Variants in HEATR9 observed in about 807,000 individuals in gnomAD.
HEATR9 encodes the protein HEAT repeat containing 9.
Under a neutral mutation model 68.2 loss-of-function variants are expected in HEATR9, and 54 were observed. That is an observed-to-expected ratio of 0.79 (90% confidence interval 0.64 to 0.99). HEATR9 has a LOEUF of 0.99. Ranked by LOEUF, HEATR9 falls within the 50% of genes least tolerant of loss-of-function variation. HEATR9 has a pLI of 0.00. For synonymous variants in HEATR9, 241 were observed against 253.5 expected (o/e 0.95, Z 0.47); for missense variants, 662 against 679.7 (o/e 0.97, Z 0.29).
intron 13 of HEATR9, 66 bp from the exon 14 acceptor site, chr17:35,855,816 A>G: frequency 7.6e-7 from 1 of 1,323,446 alleles, no homozygotes; most frequent in Non-Finnish European, 1.1e-6. Flanking sequence ...ACTCTTTCCC[A>G]TTCTAGCCCC....
chr17:35,861,317 C>T (rs1444679320), intron 8 of HEATR9: 2 of 1,416,754 alleles, frequency 1.4e-6, no homozygotes, highest in African/African-American at 1.4e-5. Context: ...TTCCATAGCT[C>T]TTGCTAGTAT....
At chr17:35,855,463 G>A (rs972356850) in intron 14 of HEATR9, 53 bp from the exon 15 acceptor site, 1 of 1,538,728 alleles carries the variant, frequency 6.5e-7, no homozygotes, top group African/African-American at 1.4e-5. Context: ...CAGGCTGGGA[G>A]GCTCCAGAGA....
Position 35,855,313 on chromosome 17 carries a change from T to C in HEATR9, c.1463A>G (p.Asn488Ser). ...VLSVYEAPKT[N>S]VKAEPTRFQK... ...GAACCTTGTGGGCTCTGCCTTCACA[T>C]TGGTCTTAGGTGCCTCATATACAGA... The change falls in exon 15 of 15, where the codon AAT (asparagine) becomes AGT (serine). Residue 488 changes from asparagine (N) to serine (S), a missense_variant. Transcript: ENST00000604834. The C allele has an allele frequency of 1.2e-6, 2 of 1,614,158 alleles. No individual in the cohort carries two copies. The highest frequency in any genetic ancestry group is 1.7e-5 in the Admixed American group (1 of 60,028).
intron 2 of HEATR9, among the ~76,000 whole-genome samples, chr17:35,866,380 G>A (rs545940558): frequency 4.3e-4 from 65 of 152,124 alleles, no homozygotes; most frequent in Non-Finnish European, 6.9e-4. Flanking sequence ...AAATTTAATT[G>A]GGCATTCTGT....
At chr17:35,860,954 G>A in intron 8 of HEATR9, 1 of 477,304 alleles carries the variant, frequency 2.1e-6, no homozygotes, top group South Asian at 2.0e-5. Flanking sequence ...GCTGAGGCAG[G>A]AGAATTGCTT....
intron 2 of HEATR9, 29 bp from the exon 3 acceptor site, chr17:35,865,425 G>C: frequency 6.2e-7 from 1 of 1,602,272 alleles, no homozygotes; most frequent in Non-Finnish European, 8.5e-7. Context: ...AGAACAGTCA[G>C]AGGGGTCCCC....
Position 35,858,338 on chromosome 17 carries a change from G to A in HEATR9, c.1033-19C>T, listed in dbSNP as rs1396235035. ...AGCGGTCCTGAGGTCGGGGGTGAGG[G>A]TTAGTGGGGAGGTGTGAAAGATGGA... On this transcript the variant is annotated intron_variant, in intron 10 of 14. Coordinates refer to ENST00000604834, the MANE Select transcript of HEATR9 (RefSeq NM_152781.4). 1.1e-5 allele frequency: 18 copies of A among 1,614,050 alleles called. No homozygotes were observed. The highest frequency in any genetic ancestry group is 1.7e-5 in the Admixed American group (1 of 60,008).
intron 8 of HEATR9, chr17:35,861,080 G>T: frequency 2.2e-6 from 2 of 907,396 alleles, no homozygotes; most frequent in Non-Finnish European, 3.7e-6. Flanking sequence ...AGATTTTAAA[G>T]AAGCATCCTC....
intron 14 of HEATR9, 54 bp from the exon 15 acceptor site, chr17:35,855,464 G>T: frequency 6.6e-7 from 1 of 1,524,738 alleles, no homozygotes; most frequent in Non-Finnish European, 9.0e-7. Context: ...AGGCTGGGAG[G>T]CTCCAGAGAG....
At chr17:35,861,486 C>G (rs1055289644) in intron 8 of HEATR9, 7 of 1,353,322 alleles carry the variant, frequency 5.2e-6, no homozygotes, top group South Asian at 1.2e-5. Context: ...ATCTGAACAC[C>G]TTGCAGTCGT....
At chr17:35,859,520 T>C (rs1473629393) in intron 8 of HEATR9, among the ~76,000 whole-genome samples, 1 of 152,170 alleles carries the variant, frequency 6.6e-6, no homozygotes, top group Non-Finnish European at 1.5e-5. Flanking sequence ...CACAAGGGAC[T>C]AAATAATCCA....
chr17:35,861,293 C>T (rs759379873), intron 8 of HEATR9: 22 of 1,381,816 alleles, frequency 1.6e-5, no homozygotes, highest in South Asian at 3.5e-5. Flanking sequence ...CTCTTCATTG[C>T]GTCAATAGTT....
chr17:35,856,410 G>A (rs1431503814), intron 12 of HEATR9, 186 bp from the exon 13 acceptor site: 1 of 1,473,750 alleles, frequency 6.8e-7, no homozygotes, highest in African/African-American at 1.4e-5. Flanking sequence ...CAGTTTGCCA[G>A]GAGGCACTGA....
intron 11 of HEATR9, among the ~76,000 whole-genome samples, chr17:35,857,427 C>T (rs946526934): frequency 2.6e-5 from 4 of 152,154 alleles, no homozygotes; most frequent in Admixed American, 2.0e-4. Flanking sequence ...GCAGAGAAGG[C>T]ACAATCTGAT....
At position 35,864,522 on chromosome 17, in the gene HEATR9, T is replaced by C. The variant is rs1172759984; in HGVS notation, c.485A>G (p.Glu162Gly). 1.2e-6 allele frequency: 2 copies of C among 1,613,948 alleles called. No individual in the cohort carries two copies. The highest frequency in any genetic ancestry group is 2.2e-5 in the South Asian group (2 of 91,052). Reference protein sequence around the residue: ...ELTKSLESPREDEQFYAAQAL... With the variant: ...ELTKSLESPRGDEQFYAAQAL... ...CTGTGCTGCATAGAACTGCTCATCC[T>C]CTCTGGGAGATTCCAGGCTTTTTGT... Residue 162 changes from glutamate (E) to glycine (G), a missense_variant, in exon 5 of 15, where the codon GAG (glutamate) becomes GGG (glycine). By Grantham distance (98) the Glu-to-Gly change is moderately conservative. Transcript: ENST00000604834.
intron 3 of HEATR9, 49 bp downstream of exon 3, chr17:35,865,166 C>G (rs1177200759): frequency 1.9e-6 from 3 of 1,582,000 alleles, no homozygotes; most frequent in Non-Finnish European, 2.6e-6. Flanking sequence ...TCCTCACTTT[C>G]CTAGAAGATG....
At chr17:35,855,522 C>G in intron 14 of HEATR9, 112 bp from the exon 15 acceptor site, 1 of 1,310,716 alleles carries the variant, frequency 7.6e-7, no homozygotes, top group Non-Finnish European at 1.1e-6. Flanking sequence ...CACTGTGGCC[C>G]CAAGGAACAA....
chr17:35,865,835 T>C, intron 2 of HEATR9, among the ~76,000 whole-genome samples: 1 of 152,162 alleles, frequency 6.6e-6, no homozygotes, highest in East Asian at 1.9e-4. Flanking sequence ...AGACTATTGC[T>C]CATTCAGATA....
In HEATR9 at chr17:35,856,739, C is replaced by T. The variant is rs2087787984; in HGVS notation, c.1219G>A (p.Val407Met). Residue 407 changes from valine to methionine, a missense_variant, in exon 12 of 15, where the codon GTG (valine) becomes ATG (methionine). Coordinates refer to ENST00000604834, the MANE Select transcript of HEATR9 (RefSeq NM_152781.4). ...AGCTCCCAGGCCACTCACGCCTCCA[C>T]CAAGTTCATCATCGTAGGCTTCAAC... is the stretch of plus-strand genomic sequence containing the variant. ...LKLKPTMMNL[V>M]EAQLMNPDAT... The T allele has an allele frequency of 1.9e-6, 3 of 1,603,824 alleles. No homozygotes were observed. The highest frequency in any genetic ancestry group is 1.7e-5 in the Admixed American group (1 of 58,870).
Sources: gnomAD v4.1 joint callset for allele counts (sites outside exome capture counted in the v4.1 genomes callset) on GRCh38, gnomAD v4.1.1 for gene constraint, MANE v1.5 for transcripts, NCBI Gene and HGNC (gene_info 2026-07-23, HGNC 2026-07-21) for gene names.